SH3BGRL2: variants seen among roughly 807,000 people sequenced by gnomAD.
SH3BGRL2 encodes the protein SH3 domain binding glutamate rich protein like 2.
In SH3BGRL2, 21 loss-of-function variants were observed where a neutral mutation model predicts 14.8. The ratio of observed to expected loss-of-function variants is 1.42; its 90% CI spans 1.01 to 2.05. The LOEUF (loss-of-function observed/expected upper bound fraction) is 2.05, where lower values mean the gene tolerates loss of function less well. Ranked by LOEUF, SH3BGRL2 falls within the 30% of genes most tolerant of loss-of-function variation. The probability of loss-of-function intolerance (pLI) is 0.00; values close to 1 mark genes in which losing one functional copy is unlikely to be tolerated. For synonymous variants in SH3BGRL2, 50 were observed against 47.8 expected (o/e 1.05, Z -0.19); for missense variants, 147 against 130.8 (o/e 1.12, Z -0.61).
the SH3BGRL2 span, among the ~76,000 whole-genome samples, chr6:79,585,110 G>A: frequency 2.0e-5 from 3 of 150,592 alleles, no homozygotes. Context: ...TATATAAAGG[G>A]CCATCATATG....
In SH3BGRL2 at chr6:79,703,438, G is replaced by T. The variant is rs996152676; in HGVS notation, c.*3929G>T. ...TAATATATATGCTAAAGTATAAAGA[G>T]TAATAATAATGACAATAAACAAACC... On this transcript the variant is annotated 3_prime_UTR_variant, in exon 4 of 4. Transcript: ENST00000369838. 2 of 152,096 alleles carry T rather than the reference G, an allele frequency of 1.3e-5. No homozygotes were observed. The highest frequency in any genetic ancestry group is 6.6e-5 in the Admixed American group (1 of 15,252). 9.4% of individuals were successfully genotyped at this position (152,096 alleles called of 1,614,324 possible).
At chr6:79,699,197 A>AC (rs1273568358) in intron 3 of SH3BGRL2, among the ~76,000 whole-genome samples, 1 of 152,000 alleles carries the variant, frequency 6.6e-6, no homozygotes, top group Non-Finnish European at 1.5e-5. Flanking sequence ...GAGCAAGGTA[A>AC]CCCCCCACCC....
intron 1 of SH3BGRL2, among the ~76,000 whole-genome samples, chr6:79,670,958 T>C (rs1017128466): frequency 1.3e-5 from 2 of 151,642 alleles, no homozygotes; most frequent in Non-Finnish European, 2.9e-5. Flanking sequence ...ATCTCATTGG[T>C]CAGAACTGTG....
the SH3BGRL2 span, among the ~76,000 whole-genome samples, chr6:79,542,127 T>C: frequency 6.6e-6 from 1 of 152,158 alleles, no homozygotes; most frequent in African/African-American, 2.4e-5. Context: ...CCCTCTTCTC[T>C]CCAGGACCCA....
intron 1 of SH3BGRL2, among the ~76,000 whole-genome samples, chr6:79,671,596 T>TA (rs142281520): frequency 0.013 from 1,930 of 152,288 alleles, 42 homozygotes; most frequent in African/African-American, 0.044. Context: ...GTGGGGAGAA[T>TA]AAAAAAATTC....
At chr6:79,658,841 G>A (rs1263488635) in intron 1 of SH3BGRL2, among the ~76,000 whole-genome samples, 1 of 152,128 alleles carries the variant, frequency 6.6e-6, no homozygotes, top group South Asian at 2.1e-4. Context: ...ATTCTAACTG[G>A]CGTGAGATGG....
At chr6:79,640,665 G>A (rs953271931) in intron 1 of SH3BGRL2, among the ~76,000 whole-genome samples, 63 of 151,988 alleles carry the variant, frequency 4.1e-4, no homozygotes, top group African/African-American at 1.4e-3. Context: ...GAAGGTATCC[G>A]GCAGGGTGTG....
chr6:79,684,774 C>G (rs1048071855), intron 2 of SH3BGRL2, among the ~76,000 whole-genome samples: 14 of 152,118 alleles, frequency 9.2e-5, no homozygotes, highest in Non-Finnish European at 1.6e-4. Flanking sequence ...TCACCTATCC[C>G]ACAGGTAGCA....
the SH3BGRL2 span, among the ~76,000 whole-genome samples, chr6:79,600,990 A>C: frequency 6.6e-6 from 1 of 151,940 alleles, no homozygotes; most frequent in Non-Finnish European, 1.5e-5. Flanking sequence ...TCCCCCCTCA[A>C]GCTCTCTCTC....
the SH3BGRL2 span, among the ~76,000 whole-genome samples, chr6:79,539,614 T>C: frequency 6.6e-6 from 1 of 152,256 alleles, no homozygotes; most frequent in African/African-American, 2.4e-5. Flanking sequence ...GGCTTCTTTA[T>C]TGCCATATGG....
At chr6:79,589,055 A>G in the SH3BGRL2 span, among the ~76,000 whole-genome samples, 1 of 152,266 alleles carries the variant, frequency 6.6e-6, no homozygotes, top group Admixed American at 6.5e-5. Flanking sequence ...TATAACCTAT[A>G]CTTTAAATCA....
At chr6:79,614,803 G>T in the SH3BGRL2 span, among the ~76,000 whole-genome samples, 1 of 152,216 alleles carries the variant, frequency 6.6e-6, no homozygotes, top group East Asian at 1.9e-4. Flanking sequence ...CACAGGAGAG[G>T]AAAGGGGTAG....
At chr6:79,546,677 T>C in the SH3BGRL2 span, among the ~76,000 whole-genome samples, 1 of 151,302 alleles carries the variant, frequency 6.6e-6, no homozygotes, top group South Asian at 2.1e-4. Flanking sequence ...TCTCCCTTCC[T>C]GAGGCCTGCT....
At chr6:79,577,165 C>G in the SH3BGRL2 span, among the ~76,000 whole-genome samples, 4 of 152,132 alleles carry the variant, frequency 2.6e-5, no homozygotes, top group Non-Finnish European at 5.9e-5. Context: ...CTGAATTGCC[C>G]TGGAATTAAT....
chr6:79,671,186 G>T (rs1467942458), intron 1 of SH3BGRL2, among the ~76,000 whole-genome samples: 1 of 152,116 alleles, frequency 6.6e-6, no homozygotes, highest in Non-Finnish European at 1.5e-5. Flanking sequence ...CATAGATGAG[G>T]TCAGGCACGG....
chr6:79,687,554 G>A (rs746776669), intron 2 of SH3BGRL2, among the ~76,000 whole-genome samples: 8 of 152,120 alleles, frequency 5.3e-5, no homozygotes, highest in Non-Finnish European at 1.2e-4. Flanking sequence ...TATCCTGCCA[G>A]GATTGGAATT....
chr6:79,649,603 CAT>C (rs1769240198), intron 1 of SH3BGRL2, among the ~76,000 whole-genome samples: 1 of 152,020 alleles, frequency 6.6e-6, no homozygotes, highest in African/African-American at 2.4e-5. Context: ...TTTCTTTTCC[CAT>C]CATCCTAGGA....
chr6:79,602,071 A>T, the SH3BGRL2 span, among the ~76,000 whole-genome samples: 2 of 152,236 alleles, frequency 1.3e-5, no homozygotes, highest in African/African-American at 4.8e-5. Flanking sequence ...AAATAGATTC[A>T]GTTTTATTTT....
the SH3BGRL2 span, among the ~76,000 whole-genome samples, chr6:79,610,900 A>C: frequency 1.4e-4 from 22 of 152,340 alleles, no homozygotes; most frequent in Admixed American, 1.0e-3. Context: ...TATATGGCAC[A>C]TAGTAGGAAC....
Sources: gnomAD v4.1 joint callset for allele counts (sites outside exome capture counted in the v4.1 genomes callset) on GRCh38, gnomAD v4.1.1 for gene constraint, MANE v1.5 for transcripts, NCBI Gene and HGNC (gene_info 2026-07-23, HGNC 2026-07-21) for gene names.